Variants in VWC2L observed in about 807,000 individuals in gnomAD.
The protein encoded by VWC2L is von Willebrand factor C domain-containing protein 2-like.
A neutral mutation model predicts 21.6 loss-of-function variants in VWC2L; 10 were observed. The observed-to-expected ratio is 0.46, with a 90% confidence interval of 0.29 to 0.78. The LOEUF (loss-of-function observed/expected upper bound fraction) is 0.78, where lower values mean the gene tolerates loss of function less well. VWC2L is among the 30% of genes least tolerant of loss of function. The probability of loss-of-function intolerance (pLI) is 0.10; values close to 1 mark genes in which losing one functional copy is unlikely to be tolerated. For missense variants in VWC2L, 209 were observed against 277.1 expected (o/e 0.75, Z 1.74); for synonymous variants, 96 against 94.3 (o/e 1.02, Z -0.10).
intron 3 of VWC2L, among the ~76,000 whole-genome samples, chr2:214,568,615 C>T (rs780912696): frequency 2.6e-5 from 4 of 151,980 alleles, no homozygotes; most frequent in Non-Finnish European, 1.5e-5. Flanking sequence ...TTTTTTAAAA[C>T]CATGAGATCC....
intron 3 of VWC2L, among the ~76,000 whole-genome samples, chr2:214,467,390 C>G (rs1703232733): frequency 6.8e-6 from 1 of 146,284 alleles, no homozygotes; most frequent in Non-Finnish European, 1.5e-5. Context: ...TTTCTGAAAT[C>G]TTAGCCCTGT....
intron 3 of VWC2L, among the ~76,000 whole-genome samples, chr2:214,566,958 C>A: frequency 6.6e-6 from 1 of 152,164 alleles, no homozygotes; most frequent in East Asian, 1.9e-4. Flanking sequence ...CAACTCAATT[C>A]AACCCCACAG....
intron 3 of VWC2L, among the ~76,000 whole-genome samples, chr2:214,452,857 TATG>T (rs1292278620): frequency 1.3e-5 from 2 of 152,218 alleles, no homozygotes; most frequent in Non-Finnish European, 2.9e-5. Flanking sequence ...TCTCTTTTCA[TATG>T]ATATGTTTCC....
intron 2 of VWC2L, among the ~76,000 whole-genome samples, chr2:214,429,912 C>A (rs979246887): frequency 2.0e-5 from 3 of 152,126 alleles, no homozygotes; most frequent in Admixed American, 2.0e-4. Context: ...CAACCTCCGC[C>A]TCCTGGGTTC....
intron 3 of VWC2L, among the ~76,000 whole-genome samples, chr2:214,491,555 A>AAATT: frequency 6.6e-6 from 1 of 152,164 alleles, no homozygotes; most frequent in African/African-American, 2.4e-5. Flanking sequence ...GATGTTATGT[A>AAATT]ATGTTACAAT....
chr2:214,446,224 C>G (rs1300517401), intron 3 of VWC2L, among the ~76,000 whole-genome samples: 1 of 152,080 alleles, frequency 6.6e-6, no homozygotes, highest in Non-Finnish European at 1.5e-5. Flanking sequence ...CTGCAGAGCC[C>G]CTGAAGCAGT....
chr2:214,520,347 G>A lies in VWC2L; in HGVS notation c.521-55325G>A, dbSNP rs974908671. ...GTAATCAATTATTCTTTGAAAATGG[G>A]ACTTTAATGTCTGTAAATATTCCAT... On this transcript the variant is annotated intron_variant, in intron 3 of 3. Transcript: ENST00000312504. Among the ~76,000 whole-genome samples the A allele has an allele frequency of 2.6e-5, 4 of 152,146 alleles. No homozygotes were observed. The South Asian group carries it at 6.2e-4, about 24-fold the overall frequency.
chr2:214,473,122 T>C (rs917582315), intron 3 of VWC2L, among the ~76,000 whole-genome samples: 3 of 152,186 alleles, frequency 2.0e-5, no homozygotes, highest in Non-Finnish European at 4.4e-5. Flanking sequence ...ATGAAAAGTC[T>C]GGAATAGTCC....
intron 3 of VWC2L, among the ~76,000 whole-genome samples, chr2:214,462,849 A>G (rs538429808): frequency 6.6e-6 from 1 of 152,202 alleles, no homozygotes; most frequent in African/African-American, 2.4e-5. Flanking sequence ...TTACATATTC[A>G]TTACACTTAA....
In VWC2L at chr2:214,444,473, A is replaced by G. The variant is rs117454493; in HGVS notation, c.520+7715A>G. On this transcript the variant is annotated intron_variant, in intron 3 of 3. Transcript: ENST00000312504. ...ACAAACCAGGTTTCTAAATGTAAAAACTCAAATTTATTAGGTTATCTAACA... is the reference window on the plus strand; with the variant it reads ...ACAAACCAGGTTTCTAAATGTAAAAGCTCAAATTTATTAGGTTATCTAACA... 1.4e-4 allele frequency among the ~76,000 whole-genome samples: 22 copies of G among 152,118 alleles called. 1 individual carries two copies. In the East Asian group the frequency reaches 3.9e-3, roughly 27 times the overall value.
At chr2:214,553,640 AAAG>A (rs761641990) in intron 3 of VWC2L, among the ~76,000 whole-genome samples, 4 of 152,184 alleles carry the variant, frequency 2.6e-5, no homozygotes, top group South Asian at 4.1e-4. Flanking sequence ...GATCAGACTT[AAAG>A]AACATGTTTT....
rs1398486925 is a variant in VWC2L at position 214,441,017 on chromosome 2, TAA to T, written c.520+4260_520+4261del. 3.9e-5 allele frequency among the ~76,000 whole-genome samples: 6 copies of T among 152,292 alleles called. No homozygotes were observed. The East Asian group carries it at 9.6e-4, about 24-fold the overall frequency. On this transcript the variant is annotated intron_variant, in intron 3 of 3. Coordinates refer to ENST00000312504, the MANE Select transcript of VWC2L (RefSeq NM_001080500.4). ...CTCCCACAAAATCCTGTACACACAT[TAA>T]GTTTTCAGTTCCTTTCAACTAAATT...
chr2:214,478,824 C>A, intron 3 of VWC2L, among the ~76,000 whole-genome samples: 1 of 152,214 alleles, frequency 6.6e-6, no homozygotes, highest in East Asian at 1.9e-4. Context: ...TACTTGCCCT[C>A]ATTATTTCCC....
At chr2:214,425,265 T>A (rs1341425305) in intron 2 of VWC2L, among the ~76,000 whole-genome samples, 2 of 152,200 alleles carry the variant, frequency 1.3e-5, no homozygotes, top group African/African-American at 4.8e-5. Flanking sequence ...GTTACAGCCG[T>A]TTGGGTACTG....
chr2:214,453,279 T>C (rs943066800), intron 3 of VWC2L, among the ~76,000 whole-genome samples: 1 of 152,230 alleles, frequency 6.6e-6, no homozygotes, highest in African/African-American at 2.4e-5. Flanking sequence ...AAGGGTTTTT[T>C]TTTAAATATG....
chr2:214,423,268 G>A (rs528455537), intron 2 of VWC2L, among the ~76,000 whole-genome samples: 5 of 152,066 alleles, frequency 3.3e-5, no homozygotes, highest in Middle Eastern at 3.4e-3. Context: ...ACTTTTGAGC[G>A]CTGACCATAG....
At chr2:214,423,627 A>G (rs923683536) in intron 2 of VWC2L, among the ~76,000 whole-genome samples, 3 of 152,184 alleles carry the variant, frequency 2.0e-5, no homozygotes, top group Non-Finnish European at 4.4e-5. Flanking sequence ...GAACAATAAA[A>G]TACTGGCACA....
chr2:214,481,787 C>T (rs373979085), intron 3 of VWC2L, among the ~76,000 whole-genome samples: 57 of 152,236 alleles, frequency 3.7e-4, no homozygotes, highest in African/African-American at 1.3e-3. Flanking sequence ...TAGCATTGAT[C>T]CCATCAAGTT....
At chr2:214,492,040 T>C (rs1313148664) in intron 3 of VWC2L, among the ~76,000 whole-genome samples, 2 of 152,224 alleles carry the variant, frequency 1.3e-5, no homozygotes, top group African/African-American at 2.4e-5. Context: ...AAAGAGAAAG[T>C]AGCACAACTC....
Sources: gnomAD v4.1 joint callset for allele counts (sites outside exome capture counted in the v4.1 genomes callset) on GRCh38, gnomAD v4.1.1 for gene constraint, MANE v1.5 for transcripts, NCBI Gene and HGNC (gene_info 2026-07-23, HGNC 2026-07-21) for gene names.